The following DAB1 variants were observed in gnomAD, a reference collection of about 807,000 sequenced individuals.
DAB1 encodes the protein DAB adaptor protein 1.
In DAB1, 15 loss-of-function variants were observed where a neutral mutation model predicts 64.6. The ratio of observed to expected loss-of-function variants is 0.23; its 90% CI spans 0.16 to 0.36. The LOEUF is 0.36. Among genes scored for constraint, DAB1 ranks in the 10% least tolerant of loss-of-function variants. The probability of loss-of-function intolerance (pLI) is 1.00; values close to 1 mark genes in which losing one functional copy is unlikely to be tolerated. For synonymous variants in DAB1, 235 were observed against 251.9 expected (o/e 0.93, Z 0.64); for missense variants, 596 against 706.7 (o/e 0.84, Z 1.78).
chr1:57,545,572 G>A (rs925460702), intron 7 of DAB1, among the ~76,000 whole-genome samples: 2 of 152,042 alleles, frequency 1.3e-5, no homozygotes, highest in East Asian at 3.9e-4. Context: ...CTGGTTCCTG[G>A]GTGACCCAGC....
intron 7 of DAB1, among the ~76,000 whole-genome samples, chr1:57,462,413 C>A (rs941589616): frequency 3.3e-5 from 5 of 152,112 alleles, no homozygotes; most frequent in Non-Finnish European, 5.9e-5. Flanking sequence ...AAACTATGTT[C>A]TTTGGAGTTC....
chr1:58,280,131 G>A (rs1661524275), intron 4 of DAB1, among the ~76,000 whole-genome samples: 1 of 152,124 alleles, frequency 6.6e-6, no homozygotes, highest in African/African-American at 2.4e-5. Flanking sequence ...TCTGCAGTGT[G>A]AGCTCCAGAG....
chr1:58,156,838 G>A (rs946023981), intron 4 of DAB1, among the ~76,000 whole-genome samples: 7 of 152,104 alleles, frequency 4.6e-5, no homozygotes, highest in African/African-American at 1.7e-4. Flanking sequence ...GTGATAAGTA[G>A]GAATCAGAAC....
chr1:57,483,749 A>G (rs952505730), intron 7 of DAB1, among the ~76,000 whole-genome samples: 2 of 152,054 alleles, frequency 1.3e-5, no homozygotes, highest in African/African-American at 4.8e-5. Flanking sequence ...TTCTGACTCC[A>G]CTTCCAGGGA....
chr1:58,238,065 C>T (rs77821063), intron 4 of DAB1, among the ~76,000 whole-genome samples: 281 of 152,260 alleles, frequency 1.8e-3, no homozygotes, highest in African/African-American at 6.2e-3. Flanking sequence ...GGCAGTACCC[C>T]GTAATTCATT....
At chr1:57,829,257 T>C (rs1013460373) in intron 1 of DAB1, among the ~76,000 whole-genome samples, 1 of 152,218 alleles carries the variant, frequency 6.6e-6, no homozygotes, top group Non-Finnish European at 1.5e-5. Context: ...ATTAAAAATT[T>C]AAGAAGTTCG....
intron 12 of DAB1, among the ~76,000 whole-genome samples, 198 bp downstream of exon 12, chr1:57,014,685 T>C (rs1054627722): frequency 6.6e-6 from 1 of 152,176 alleles, no homozygotes; most frequent in Non-Finnish European, 1.5e-5. Context: ...AAAATAAACA[T>C]GGAACATATG....
intron 7 of DAB1, among the ~76,000 whole-genome samples, chr1:57,453,407 T>C (rs1686463816): frequency 6.6e-6 from 1 of 152,200 alleles, no homozygotes; most frequent in South Asian, 2.1e-4. Flanking sequence ...TTCTGGTTAG[T>C]TGGAGAAACA....
intron 3 of DAB1, among the ~76,000 whole-genome samples, chr1:58,448,669 T>G (rs1454410163): frequency 6.6e-6 from 1 of 152,176 alleles, no homozygotes; most frequent in African/African-American, 2.4e-5. Context: ...GGGAGAAATT[T>G]AGGGACAGGG....
chr1:57,771,042 G>T (rs114452880), intron 6 of DAB1, among the ~76,000 whole-genome samples: 1,682 of 152,230 alleles, frequency 0.011, 27 homozygotes, highest in African/African-American at 0.039. Context: ...TTGGAGAGGC[G>T]AAGTAAGTCG....
At chr1:57,376,590 C>A (rs1320986149) in intron 1 of DAB1, among the ~76,000 whole-genome samples, 1 of 152,142 alleles carries the variant, frequency 6.6e-6, no homozygotes, top group Non-Finnish European at 1.5e-5. Flanking sequence ...TAAACAAATA[C>A]CTCTTGCTTA....
chr1:57,447,346 A>G (rs1686179030), intron 7 of DAB1, among the ~76,000 whole-genome samples: 1 of 152,198 alleles, frequency 6.6e-6, no homozygotes. Flanking sequence ...ATTCCTTTCC[A>G]GTAACTCTGA....
intron 7 of DAB1, among the ~76,000 whole-genome samples, chr1:57,641,378 GGTTTTTT>G (rs1413677791): frequency 9.1e-6 from 1 of 109,804 alleles, no homozygotes; most frequent in Admixed American, 1.1e-4. Context: ...TTTTTTTGTT[GGTTTTTT>G]TTTTTTTTTT....
chr1:58,519,497 A>C (rs563883799), intron 2 of DAB1, among the ~76,000 whole-genome samples: 1 of 152,296 alleles, frequency 6.6e-6, no homozygotes, highest in East Asian at 1.9e-4. Context: ...CAGCCTATGC[A>C]AACTCACCTC....
intron 4 of DAB1, among the ~76,000 whole-genome samples, chr1:58,242,984 C>A (rs767312096): frequency 6.6e-6 from 1 of 152,100 alleles, no homozygotes. Flanking sequence ...TGATGATGCA[C>A]GCACAAAATG....
At chr1:58,241,190 AAAGT>A (rs1322798075) in intron 4 of DAB1, among the ~76,000 whole-genome samples, 7 of 152,182 alleles carry the variant, frequency 4.6e-5, no homozygotes, top group Non-Finnish European at 1.5e-5. Context: ...AAAAAGCAGA[AAAGT>A]ATGTAATTAT....
intron 3 of DAB1, among the ~76,000 whole-genome samples, chr1:58,475,258 C>T (rs770638024): frequency 5.9e-4 from 89 of 152,074 alleles, no homozygotes; most frequent in Admixed American, 2.4e-3. Context: ...TGGGCTCAAG[C>T]GATACTCCTG....
intron 3 of DAB1, among the ~76,000 whole-genome samples, chr1:58,383,783 G>A (rs189288691): frequency 3.0e-4 from 46 of 152,180 alleles, no homozygotes; most frequent in African/African-American, 9.6e-4. Context: ...TTCATCTGCC[G>A]ATGAGCACAC....
chr1:57,017,490 C>T (rs1220634479), intron 11 of DAB1, among the ~76,000 whole-genome samples: 1 of 152,176 alleles, frequency 6.6e-6, no homozygotes, highest in Non-Finnish European at 1.5e-5. Context: ...ATGTACCCGC[C>T]TTCATCTGAC....
Sources: allele counts gnomAD v4.1 joint callset (sites outside exome capture counted in the v4.1 genomes callset), GRCh38; gene constraint gnomAD v4.1.1; transcripts MANE v1.5; gene names NCBI Gene and HGNC (gene_info 2026-07-23, HGNC 2026-07-21).